The following DCUN1D5 variants were observed in gnomAD, a reference collection of about 807,000 sequenced individuals.
DCUN1D5 encodes DCN1-like protein 5.
In DCUN1D5, 10 loss-of-function variants were observed where a neutral mutation model predicts 38.3. The ratio of observed to expected loss-of-function variants is 0.26; its 90% CI spans 0.16 to 0.44. The LOEUF is 0.44. Among genes scored for constraint, DCUN1D5 ranks in the 20% least tolerant of loss-of-function variants. DCUN1D5 has a pLI of 1.00. For synonymous variants in DCUN1D5, 93 were observed against 90.9 expected, an observed-to-expected ratio of 1.02 and a Z score of -0.13; for missense variants, 148 against 275.3, an observed-to-expected ratio of 0.54 and a Z score of 3.27.
At chr11:103,067,880 T>C (rs1413365982) in intron 4 of DCUN1D5, among the ~76,000 whole-genome samples, 1 of 152,124 alleles carries the variant, frequency 6.6e-6, no homozygotes, top group Non-Finnish European at 1.5e-5. Flanking sequence ...TACATAAGAC[T>C]CAGAAAATGA....
intron 4 of DCUN1D5, among the ~76,000 whole-genome samples, chr11:103,075,808 T>G (rs1276069334): frequency 6.6e-6 from 1 of 152,232 alleles, no homozygotes; most frequent in Non-Finnish European, 1.5e-5. Context: ...TCCTTATATA[T>G]GAATGAATGC....
chr11:103,082,631 T>C (rs1591224406), intron 4 of DCUN1D5, 117 bp downstream of exon 4: 4 of 703,528 alleles, frequency 5.7e-6, no homozygotes, highest in Middle Eastern at 3.9e-4. Flanking sequence ...CTAATTGTTA[T>C]AGATCAAACA....
chr11:103,085,562 C>A (rs147875818), intron 2 of DCUN1D5, among the ~76,000 whole-genome samples: 1 of 152,192 alleles, frequency 6.6e-6, no homozygotes, highest in East Asian at 1.9e-4. Flanking sequence ...AGATATAATA[C>A]CTTATAACTT....
In DCUN1D5 at chr11:103,062,368, C is replaced by A; in HGVS notation, c.705G>T (p.Gln235His). 1 of 1,613,408 alleles carries A rather than the reference C, an allele frequency of 6.2e-7. No individual in the cohort carries two copies. The highest frequency in any genetic ancestry group is 8.5e-7 in the Non-Finnish European group (1 of 1,179,562). ...CTTCACATAGTTCTTGCTATGATGT[C>A]TGACGGACTTTTTGCCACTCAACAA... is the stretch of plus-strand genomic sequence containing the variant. ...DEFVEWQKVR[Q>H]TS The change falls in exon 8 of 8, where the codon CAG (glutamine) becomes CAT (histidine). Residue 235 changes from glutamine to histidine, a missense_variant. By Grantham distance (24) the Gln-to-His change is conservative (BLOSUM62 0). Transcript: ENST00000260247. This position sits in a 1 kb window ranked among gnomAD's most constrained non-coding sequence, Gnocchi z 4.6.
At chr11:103,090,247 T>C (rs1862823699) in intron 1 of DCUN1D5, among the ~76,000 whole-genome samples, 1 of 152,212 alleles carries the variant, frequency 6.6e-6, no homozygotes, top group Non-Finnish European at 1.5e-5. Flanking sequence ...GGCCATGATA[T>C]AGTACAAAAA....
In DCUN1D5 at chr11:103,051,229, C is replaced by G. The variant is rs1275021374; in HGVS notation, c.*11130G>C. 6.6e-6 allele frequency: 1 copy of G among 152,044 alleles called. No homozygotes were observed. Among genetic ancestry groups the G allele is most frequent in the Non-Finnish European group, 1.5e-5 (1 of 68,014 alleles). 9.4% of individuals were successfully genotyped at this position (152,044 alleles called of 1,614,324 possible). ...TACCATCTTATGACCAAATTTAAAA[C>G]AAATTACTGGTTAAGGAAAAAAATG... On this transcript the variant is annotated 3_prime_UTR_variant, in exon 8 of 8. Transcript: ENST00000260247.
Position 103,066,221 on chromosome 11 carries a change from G to T in DCUN1D5, c.555+48C>A. 1 of 1,221,636 alleles carries T rather than the reference G, an allele frequency of 8.2e-7. No individual in the cohort carries two copies. Among genetic ancestry groups the T allele is most frequent in the Non-Finnish European group, 1.1e-6 (1 of 874,126 alleles). 75.7% of individuals were successfully genotyped at this position (1,221,636 alleles called of 1,614,324 possible). On this transcript the variant is annotated intron_variant, in intron 6 of 7. Transcript: ENST00000260247. This position sits in a 1 kb window ranked among gnomAD's most constrained non-coding sequence, Gnocchi z 4.7. ...TTGTTCCTCAAAAGTATAACTTTCA[G>T]ATTAAGTTTTAAAATAATATTTTCA...
intron 4 of DCUN1D5, among the ~76,000 whole-genome samples, chr11:103,070,103 T>G (rs950205994): frequency 7.2e-6 from 1 of 139,750 alleles, no homozygotes; most frequent in Admixed American, 7.0e-5. Context: ...TGAAAAAATA[T>G]AAAGTCTCAG....
chr11:103,061,843 A>G lies in DCUN1D5; in HGVS notation c.*516T>C, dbSNP rs1370537407. ...TAGGAGCATTTTTCCAATACCTAGAAATGTTTATTAGCTGCATCAGCAAAT... is the reference window on the plus strand; with the variant it reads ...TAGGAGCATTTTTCCAATACCTAGAGATGTTTATTAGCTGCATCAGCAAAT... On this transcript the variant is annotated 3_prime_UTR_variant, in exon 8 of 8. Coordinates refer to ENST00000260247, the MANE Select transcript of DCUN1D5 (RefSeq NM_032299.4). 6.6e-6 allele frequency among the ~76,000 whole-genome samples: 1 copy of G among 152,072 alleles called. No homozygotes were observed. Among genetic ancestry groups the G allele is most frequent in the Non-Finnish European group, 1.5e-5 (1 of 67,978 alleles).
rs1861914486 is a variant in DCUN1D5, at chr11:103,057,931, A to C, written c.*4428T>G. ...AATATCTTAAAGCTCAGAAAGCCAA[A>C]AACACCCCAGAAGGATAAAACTTCT... On this transcript the variant is annotated 3_prime_UTR_variant, in exon 8 of 8. Transcript: ENST00000260247. This position sits in a 1 kb window ranked among gnomAD's most constrained non-coding sequence, Gnocchi z 4.8. Among the ~76,000 whole-genome samples the C allele has an allele frequency of 6.6e-6, 1 of 152,196 alleles. No individual in the cohort carries two copies. The highest frequency in any genetic ancestry group is 1.5e-5 in the Non-Finnish European group (1 of 68,036).
chr11:103,069,364 A>G (rs1285522786), intron 4 of DCUN1D5, among the ~76,000 whole-genome samples: 1 of 152,202 alleles, frequency 6.6e-6, no homozygotes. Flanking sequence ...AAACTCTTAG[A>G]AAACAAACAC....
Position 103,073,890 on chromosome 11 carries a change from T to C in DCUN1D5, c.342-7323A>G, listed in dbSNP as rs1036226071. Reference sequence around the variant, plus strand: ...GATTTTGAGACCAGCCTGGCCAACATGGTGAAATCCTGTCACTACTAAAAA... The same window carrying C: ...GATTTTGAGACCAGCCTGGCCAACACGGTGAAATCCTGTCACTACTAAAAA... On this transcript the variant is annotated intron_variant, in intron 4 of 7. Coordinates refer to ENST00000260247, the MANE Select transcript of DCUN1D5 (RefSeq NM_032299.4). The surrounding 1 kb of genome is among the most constrained non-coding windows in gnomAD (Gnocchi z 4.2). Among the ~76,000 whole-genome samples, 4 of 152,056 alleles carry C rather than the reference T, an allele frequency of 2.6e-5. No homozygotes were observed. The highest frequency in any genetic ancestry group is 9.7e-5 in the African/African-American group (4 of 41,408).
rs1862082174 is a variant in DCUN1D5, at chr11:103,064,263, T to C, written c.658+12A>G. 2 of 1,600,088 alleles carry C rather than the reference T, an allele frequency of 1.2e-6. No individual in the cohort carries two copies. The highest frequency in any genetic ancestry group is 1.1e-5 in the South Asian group (1 of 89,450). ...ATTTTGTTTTCAAAGGAACATGTTA[T>C]GTTATACTTACAAGCACCATCTTCA... On this transcript the variant is annotated intron_variant, in intron 7 of 7. Transcript: ENST00000260247. The surrounding 1 kb of genome is among the most constrained non-coding windows in gnomAD (Gnocchi z 4.5).
chr11:103,082,517 G>A (rs1380066302), intron 4 of DCUN1D5, among the ~76,000 whole-genome samples: 2 of 151,846 alleles, frequency 1.3e-5, no homozygotes, highest in Admixed American at 6.6e-5. Context: ...AGAGAATCAA[G>A]GAATTTTAAT....
chr11:103,075,254 T>C (rs906243987), intron 4 of DCUN1D5, among the ~76,000 whole-genome samples: 68 of 152,324 alleles, frequency 4.5e-4, no homozygotes, highest in Non-Finnish European at 2.6e-4. Context: ...AACCAGACCC[T>C]AGGTGACTAG....
chr11:103,053,992 A>C lies in DCUN1D5; in HGVS notation c.*8367T>G, dbSNP rs1258412931. The C allele has an allele frequency of 6.6e-6, 1 of 152,156 alleles. No individual in the cohort carries two copies. Among genetic ancestry groups the C allele is most frequent in the African/African-American group, 2.4e-5 (1 of 41,454 alleles). 9.4% of individuals were successfully genotyped at this position (152,156 alleles called of 1,614,324 possible). On this transcript the variant is annotated 3_prime_UTR_variant, in exon 8 of 8. Coordinates refer to ENST00000260247, the MANE Select transcript of DCUN1D5 (RefSeq NM_032299.4). The surrounding 1 kb of genome is among the most constrained non-coding windows in gnomAD (Gnocchi z 4.8). ...AGGAAATGAAAGAACTAGCACACAG[A>C]AATAGGTACCCTAAAAGGACTAGGG... is the stretch of plus-strand genomic sequence containing the variant.
At chr11:103,088,856 T>C (rs763364886) in intron 2 of DCUN1D5, among the ~76,000 whole-genome samples, 1 of 152,226 alleles carries the variant, frequency 6.6e-6, no homozygotes, top group Non-Finnish European at 1.5e-5. Flanking sequence ...GAATATTGAA[T>C]AGAAATGTTT....
chr11:103,069,162 C>T (rs914007968), intron 4 of DCUN1D5, among the ~76,000 whole-genome samples: 1 of 152,050 alleles, frequency 6.6e-6, no homozygotes, highest in African/African-American at 2.4e-5. Context: ...AACACAAGAC[C>T]CTGAAAGGTG....
intron 4 of DCUN1D5, among the ~76,000 whole-genome samples, chr11:103,068,516 G>C (rs1489385350): frequency 1.3e-5 from 2 of 152,108 alleles, no homozygotes; most frequent in Non-Finnish European, 2.9e-5. Context: ...CATAAAAAAA[G>C]AACACGATCA....
Sources: gnomAD v4.1 joint callset for allele counts (sites outside exome capture counted in the v4.1 genomes callset) on GRCh38, gnomAD v4.1.1 for gene constraint, Gnocchi (gnomAD v3.1) non-coding constraint, MANE v1.5 for transcripts, NCBI Gene and HGNC (gene_info 2026-07-23, HGNC 2026-07-21) for gene names.